The following ADAP1 variants were observed in gnomAD, a reference collection of about 807,000 sequenced individuals.
ADAP1 encodes arf-GAP with dual PH domain-containing protein 1.
In ADAP1, 31 loss-of-function variants were observed where a neutral mutation model predicts 54.9. That is an observed-to-expected ratio of 0.56 (90% CI 0.42 to 0.76). The LOEUF is 0.76. Ranked by LOEUF, ADAP1 falls within the 30% of genes least tolerant of loss-of-function variation. The pLI is 0.00. For synonymous variants in ADAP1, 313 were observed against 202.6 expected (o/e 1.55, Z -4.63); for missense variants, 535 against 512.4 (o/e 1.04, Z -0.42).
chr7:922,261 C>G (rs1846217590), intron 3 of ADAP1, among the ~76,000 whole-genome samples: 1 of 152,164 alleles, frequency 6.6e-6, no homozygotes, highest in Non-Finnish European at 1.5e-5. Context: ...AGGAAGTGCC[C>G]CAAGTTCCAG....
Position 900,576 on chromosome 7 carries a change from A to T in ADAP1, c.689T>A (p.Phe230Tyr), listed in dbSNP as rs1033631045. Residue 230 changes from phenylalanine to tyrosine, a missense_variant, in exon 7 of 11, where the codon TTC becomes TAC. Phe to Tyr is a conservative substitution (Grantham distance 22). Coordinates refer to ENST00000265846, the MANE Select transcript of ADAP1 (RefSeq NM_006869.4). Reference protein sequence around the residue: ...DWFNALRAARFHYLQVAFPGA... With the variant: ...DWFNALRAARYHYLQVAFPGA... ...TGGGAATGCCACCTGCAGGTAGTGGAAGCGAGCAGCTCGGAGTGCATTGAA... is the reference window on the plus strand; with the variant it reads ...TGGGAATGCCACCTGCAGGTAGTGGTAGCGAGCAGCTCGGAGTGCATTGAA... The T allele has an allele frequency of 8.7e-6, 14 of 1,608,746 alleles. No homozygotes were observed. Among genetic ancestry groups the T allele is most frequent in the Non-Finnish European group, 1.2e-5 (14 of 1,178,942 alleles).
chr7:916,361 T>C (rs1845932837), intron 4 of ADAP1, among the ~76,000 whole-genome samples: 1 of 152,136 alleles, frequency 6.6e-6, no homozygotes, highest in African/African-American at 2.4e-5. Flanking sequence ...CATTTCCAGT[T>C]TTGCTGACAC....
intron 3 of ADAP1, among the ~76,000 whole-genome samples, chr7:925,071 G>A: frequency 6.6e-6 from 1 of 152,086 alleles, no homozygotes. Context: ...CAGTGGCGAT[G>A]TGGGGATTGC....
intron 2 of ADAP1, 185 bp downstream of exon 2, chr7:935,190 G>A (rs1324601388): frequency 1.2e-6 from 1 of 830,056 alleles, no homozygotes; most frequent in Non-Finnish European, 2.0e-6. Flanking sequence ...CGGGGTGGGT[G>A]GAGCAGCCAC....
intron 6 of ADAP1, among the ~76,000 whole-genome samples, chr7:903,396 G>A (rs914446983): frequency 1.3e-5 from 2 of 152,172 alleles, no homozygotes; most frequent in African/African-American, 2.4e-5. Flanking sequence ...GACACCGGCA[G>A]CTTATTTTTG....
chr7:913,434 C>T (rs1044689150), intron 4 of ADAP1, among the ~76,000 whole-genome samples: 1 of 151,994 alleles, frequency 6.6e-6, no homozygotes, highest in East Asian at 1.9e-4. Context: ...ATCTCCTGAC[C>T]TCGTGATCCG....
intron 4 of ADAP1, among the ~76,000 whole-genome samples, chr7:906,668 GGGACAT>G (rs1845407324): frequency 9.7e-6 from 1 of 102,746 alleles, no homozygotes. Context: ...GGCGGGAAAG[GGGACAT>G]GGACAGGGGA....
chr7:934,252 G>C (rs1264826070), intron 2 of ADAP1, among the ~76,000 whole-genome samples: 4 of 110,960 alleles, frequency 3.6e-5, no homozygotes, highest in African/African-American at 1.4e-4. Flanking sequence ...GCCGGGGACC[G>C]GGGTCAGTGG....
In ADAP1 at chr7:920,056, G is replaced by A. The variant is rs368816837; in HGVS notation, c.306-6C>T. 27 of 1,604,470 alleles carry A rather than the reference G, an allele frequency of 1.7e-5. No individual in the cohort carries two copies. The highest frequency in any genetic ancestry group is 1.7e-4 in the Middle Eastern group (1 of 6,054). On this transcript the variant is annotated splice_region_variant and splice_polypyrimidine_tract_variant and intron_variant, in intron 3 of 10. Transcript: ENST00000265846. This position sits in a 1 kb window ranked among gnomAD's most constrained non-coding sequence, Gnocchi z 4.5. ...TCCACTGCTCTCGAAGGAGCCTGTG[G>A]GGAGAGGAGAGACTGAGCCACTGGG...
At chr7:912,105 C>T (rs1226545020) in intron 4 of ADAP1, among the ~76,000 whole-genome samples, 1 of 152,228 alleles carries the variant, frequency 6.6e-6, no homozygotes, top group Non-Finnish European at 1.5e-5. Flanking sequence ...CTCCTGGGCT[C>T]CGTCTGCCCT....
intron 4 of ADAP1, among the ~76,000 whole-genome samples, chr7:919,562 TAGAG>T (rs1043430936): frequency 3.7e-4 from 34 of 93,044 alleles, no homozygotes; most frequent in African/African-American, 9.1e-4. Flanking sequence ...GAGACAGAGA[TAGAG>T]AGAGGATGAG....
At chr7:901,879 G>A (rs1217417175) in intron 6 of ADAP1, among the ~76,000 whole-genome samples, 1 of 150,596 alleles carries the variant, frequency 6.6e-6, no homozygotes, top group African/African-American at 2.4e-5. Context: ...GGAATTCACA[G>A]CTCCAGGTCC....
chr7:952,417 A>T (rs890044545), intron 1 of ADAP1, among the ~76,000 whole-genome samples: 2 of 152,158 alleles, frequency 1.3e-5, no homozygotes, highest in Non-Finnish European at 2.9e-5. Flanking sequence ...CGTGCCGGCC[A>T]CCCCAGCCCC....
At chr7:944,549 C>T (rs952119182) in intron 1 of ADAP1, among the ~76,000 whole-genome samples, 7 of 152,058 alleles carry the variant, frequency 4.6e-5, no homozygotes, top group East Asian at 1.9e-4. Flanking sequence ...CCACCGAGCC[C>T]GGCCTATTTT....
At chr7:916,267 T>C (rs1019384736) in intron 4 of ADAP1, among the ~76,000 whole-genome samples, 5 of 152,154 alleles carry the variant, frequency 3.3e-5, no homozygotes, top group African/African-American at 1.2e-4. Context: ...GACGCAGAAC[T>C]AGGAGATAGA....
At chr7:953,641 G>A (rs548736982) in intron 1 of ADAP1, among the ~76,000 whole-genome samples, 2 of 152,352 alleles carry the variant, frequency 1.3e-5, no homozygotes, top group Admixed American at 6.5e-5. Flanking sequence ...GACAGCTCCC[G>A]AGCAGGGCAG....
intron 4 of ADAP1, among the ~76,000 whole-genome samples, chr7:916,083 CCA>C (rs1269501351): frequency 6.6e-6 from 1 of 152,240 alleles, no homozygotes; most frequent in Non-Finnish European, 1.5e-5. Context: ...ACCTAGGGCG[CCA>C]CGTTTCCCAA....
At chr7:925,952 G>T (rs1318070999) in intron 3 of ADAP1, among the ~76,000 whole-genome samples, 1 of 152,192 alleles carries the variant, frequency 6.6e-6, no homozygotes, top group Non-Finnish European at 1.5e-5. Flanking sequence ...GTACGAGGGG[G>T]TCGGTGCGAA....
chr7:916,703 A>T (rs10951113), intron 4 of ADAP1, among the ~76,000 whole-genome samples: 11 of 152,030 alleles, frequency 7.2e-5, no homozygotes, highest in African/African-American at 2.4e-4. Context: ...CTGTCTGGGT[A>T]GACAGTAATT....
Sources: allele counts gnomAD v4.1 joint callset (sites outside exome capture counted in the v4.1 genomes callset), GRCh38; gene constraint gnomAD v4.1.1; non-coding constraint Gnocchi (gnomAD v3.1); transcripts MANE v1.5; gene names NCBI Gene and HGNC (gene_info 2026-07-23, HGNC 2026-07-21).